The following AANAT variants were observed in gnomAD, a reference collection of about 807,000 sequenced individuals.
AANAT encodes the protein aralkylamine N-acetyltransferase.
In AANAT, 11 loss-of-function variants were observed where a neutral mutation model predicts 15.6. The ratio of observed to expected loss-of-function variants is 0.71; its 90% CI spans 0.44 to 1.17. The LOEUF is 1.17. Ranked by LOEUF, AANAT falls within the 50% of genes most tolerant of loss-of-function variation. AANAT has a pLI of 0.00. For missense variants in AANAT, 286 were observed against 296.3 expected, an observed-to-expected ratio of 0.97 and a Z score of 0.26; for synonymous variants, 139 against 131.5, an observed-to-expected ratio of 1.06 and a Z score of -0.39.
intron 2 of AANAT, among the ~76,000 whole-genome samples, chr17:76,462,152 G>C (rs563895094): frequency 2.6e-5 from 4 of 152,112 alleles, no homozygotes; most frequent in African/African-American, 7.2e-5. Context: ...GTGCTGGGTC[G>C]GCTAAGGGAG....
chr17:76,459,324 A>T (rs1198513311), exon 2 of AANAT: 1 of 152,258 alleles, frequency 6.6e-6, no homozygotes, highest in Non-Finnish European at 1.5e-5. Flanking sequence ...CACCTCCCAC[A>T]GCTCCAGACT....
At chr17:76,466,163 AG>A (rs2073436206), upstream of AANAT, 5 of 1,536,680 alleles carry the variant, frequency 3.3e-6, no homozygotes, top group Non-Finnish European at 4.4e-6. Context: ...ATTGGCCACC[AG>A]GGGGTGCCAT....
chr17:76,456,004 C>A (rs2073339754), intron 1 of AANAT, among the ~76,000 whole-genome samples: 1 of 150,584 alleles, frequency 6.6e-6, no homozygotes, highest in Non-Finnish European at 1.5e-5. Flanking sequence ...CAGAGCGAGA[C>A]TGCGTCTCAA....
chr17:76,463,294 C>A (rs983247618), upstream of AANAT, among the ~76,000 whole-genome samples: 10 of 143,168 alleles, frequency 7.0e-5, no homozygotes, highest in African/African-American at 2.6e-4. Flanking sequence ...CCATTTCTCC[C>A]TTCTGGAAGG....
At chr17:76,467,513 A>G (rs2073451508), upstream of AANAT, 1 of 984,386 alleles carries the variant, frequency 1.0e-6, no homozygotes, top group Non-Finnish European at 1.2e-6. Flanking sequence ...CGAGGCTGCC[A>G]GAGCCCTGCT....
In AANAT at chr17:76,470,034, G is replaced by C; in HGVS notation, c.*64G>C. 7.1e-7 allele frequency: 1 copy of C among 1,406,802 alleles called. No homozygotes were observed. The highest frequency in any genetic ancestry group is 9.4e-7 in the Non-Finnish European group (1 of 1,066,712). The allele number at this position is 1,406,802 out of a possible 1,614,324, so 87.1% of individuals were successfully genotyped here. ...TCTGCCCTGGGCTCCTCTTAGCTCA[G>C]CTGAGCATGGAGACAGCAGTTTCCA... On this transcript the variant is annotated 3_prime_UTR_variant, in exon 4 of 4. Transcript: ENST00000392492.
upstream of AANAT, among the ~76,000 whole-genome samples, chr17:76,464,503 T>C (rs12941069): frequency 0.53 from 80,631 of 151,660 alleles, 23,368 homozygotes; most frequent in Non-Finnish European, 0.66. Flanking sequence ...CCAGGCTGGG[T>C]GGAGAGACAG....
rs939485090 is a variant in AANAT at position 76,470,062 on chromosome 17, G to C, written c.*92G>C. On this transcript the variant is annotated 3_prime_UTR_variant, in exon 4 of 4. Transcript: ENST00000392492. ...GAGCATGGAGACAGCAGTTTCCAGA[G>C]AGTGGAGAGAGCAGGGCTAAATAAA... 7.7e-7 allele frequency: 1 copy of C among 1,304,758 alleles called. No homozygotes were observed. Among genetic ancestry groups the C allele is most frequent in the African/African-American group, 1.5e-5 (1 of 66,186 alleles). The allele number at this position is 1,304,758 out of a possible 1,614,324, so 80.8% of individuals were successfully genotyped here. A position where few individuals can be genotyped will look rare whatever the true frequency, so the allele number is the denominator to read the frequency against.
upstream of AANAT, chr17:76,466,325 C>A: frequency 9.5e-7 from 1 of 1,057,824 alleles, no homozygotes; most frequent in South Asian, 1.7e-5. Context: ...TGTTGAGGGT[C>A]CCTTCTAGCA....
chr17:76,458,853 C>T (rs73996394), intron 1 of AANAT, among the ~76,000 whole-genome samples: 3,740 of 152,204 alleles, frequency 0.025, 77 homozygotes, highest in African/African-American at 0.054. Context: ...GTGCCTTAGG[C>T]ACTGGGGACT....
At position 76,468,922 on chromosome 17, in the gene AANAT, G is replaced by A. The variant is rs747206909; in HGVS notation, c.163+13G>A. 18 of 1,610,018 alleles carry A rather than the reference G, an allele frequency of 1.1e-5. No individual in the cohort carries two copies. Among genetic ancestry groups the A allele is most frequent in the Middle Eastern group, 1.7e-4 (1 of 6,048 alleles). ...ATCGAGCGTGAAGGTGAGTGGCCCCGCACAGGGTCAGAGGGATGCTCCACT... is the reference window on the plus strand; with the variant it reads ...ATCGAGCGTGAAGGTGAGTGGCCCCACACAGGGTCAGAGGGATGCTCCACT... On this transcript the variant is annotated intron_variant, in intron 2 of 3. Transcript: ENST00000392492.
chr17:76,457,933 G>T (rs1448932990), intron 1 of AANAT, among the ~76,000 whole-genome samples: 1 of 152,234 alleles, frequency 6.6e-6, no homozygotes, highest in African/African-American at 2.4e-5. Context: ...CTACTCAGGA[G>T]GCTGAGGCTG....
chr17:76,460,969 G>A (rs2073382820), intron 2 of AANAT, among the ~76,000 whole-genome samples: 1 of 151,882 alleles, frequency 6.6e-6, no homozygotes, highest in Admixed American at 6.6e-5. Flanking sequence ...GTTTGAGACT[G>A]GCCTGGCCAA....
upstream of AANAT, among the ~76,000 whole-genome samples, chr17:76,464,214 C>T (rs1490741412): frequency 1.1e-4 from 17 of 152,052 alleles, no homozygotes; most frequent in African/African-American, 2.4e-4. Context: ...TGGTGGTGTG[C>T]GCCCGTAATC....
chr17:76,456,883 C>T (rs1311956049), intron 1 of AANAT, among the ~76,000 whole-genome samples: 1 of 152,114 alleles, frequency 6.6e-6, no homozygotes, highest in Non-Finnish European at 1.5e-5. Flanking sequence ...AATTTGGCGC[C>T]TAAGGTAACA....
At position 76,469,453 on chromosome 17, in the gene AANAT, C is replaced by T. The variant is rs1174269210; in HGVS notation, c.318+126C>T. 7 of 1,363,916 alleles carry T rather than the reference C, an allele frequency of 5.1e-6. No homozygotes were observed. The highest frequency in any genetic ancestry group is 7.0e-6 in the Non-Finnish European group (7 of 1,004,730). The allele number at this position is 1,363,916 out of a possible 1,614,324, so 84.5% of individuals were successfully genotyped here. ...CAGAACTGGAGAGATGAGTACAGGCCACAGGCCCCTCCCAGAGCAAGACCT... is the reference window on the plus strand; with the variant it reads ...CAGAACTGGAGAGATGAGTACAGGCTACAGGCCCCTCCCAGAGCAAGACCT... On this transcript the variant is annotated intron_variant, in intron 3 of 3. Transcript: ENST00000392492. This position sits in a 1 kb window ranked among gnomAD's most constrained non-coding sequence, Gnocchi z 5.2.
chr17:76,464,786 T>C (rs1459710697), upstream of AANAT, among the ~76,000 whole-genome samples: 1 of 135,826 alleles, frequency 7.4e-6, no homozygotes, highest in Non-Finnish European at 1.6e-5. Flanking sequence ...CTTCTCCCTG[T>C]CTGTATCTAT....
At chr17:76,465,419 T>G (rs1210467026), upstream of AANAT, among the ~76,000 whole-genome samples, 2 of 150,802 alleles carry the variant, frequency 1.3e-5, no homozygotes, top group Middle Eastern at 3.5e-3. Context: ...CACTGCAGCC[T>G]GAACCACCTA....
chr17:76,465,030 C>G (rs2073423955), upstream of AANAT, among the ~76,000 whole-genome samples: 1 of 151,048 alleles, frequency 6.6e-6, no homozygotes, highest in Non-Finnish European at 1.5e-5. Context: ...CTCTTGACCT[C>G]AGGTGATCCA....
Sources: allele counts gnomAD v4.1 joint callset (sites outside exome capture counted in the v4.1 genomes callset), GRCh38; gene constraint gnomAD v4.1.1; non-coding constraint Gnocchi (gnomAD v3.1); transcripts MANE v1.5; gene names NCBI Gene and HGNC (gene_info 2026-07-23, HGNC 2026-07-21).